Variants in ZNF787 observed in about 807,000 individuals in gnomAD.
ZNF787 encodes zinc finger protein 787, also known as TTF-I-interacting peptide 20.
ZNF787 carries 7 observed loss-of-function variants against 16.9 expected under a neutral mutation model. That is an observed-to-expected ratio of 0.42 (90% CI 0.24 to 0.78). The LOEUF (loss-of-function observed/expected upper bound fraction) is 0.78. ZNF787 is among the 30% of genes least tolerant of loss of function. ZNF787 has a pLI of 0.30. For missense variants in ZNF787, 551 were observed against 589.3 expected (o/e 0.94, Z 0.67); for synonymous variants, 345 against 270.9 (o/e 1.27, Z -2.69).
chr19:56,091,945 G>A (rs62122407), intron 2 of ZNF787, among the ~76,000 whole-genome samples: 1,186 of 45,632 alleles, frequency 0.026, 5 homozygotes, highest in South Asian at 0.1. Context: ...CGAAGCCAAA[G>A]CCAAAGCCGA....
Position 56,089,065 on chromosome 19 carries a change from T to C in ZNF787, c.107A>G (p.Asp36Gly), listed in dbSNP as rs755431707. 2.0e-5 allele frequency: 30 copies of C among 1,465,984 alleles called. No individual in the cohort carries two copies. Among genetic ancestry groups the C allele is most frequent in the Non-Finnish European group, 2.7e-5 (30 of 1,111,558 alleles). The allele number at this position is 1,465,984 out of a possible 1,614,324, so 90.8% of individuals were successfully genotyped here. Residue 36 changes from aspartate (D) to glycine (G), a missense_variant, in exon 3 of 3, where the codon GAC becomes GGC. Physicochemically the swap from Asp to Gly is moderately conservative, Grantham distance 94 (BLOSUM62 -1). Coordinates refer to ENST00000610935, the MANE Select transcript of ZNF787 (RefSeq NM_001002836.4). ...PVDILIMDDD[D>G]VPSWPPTKLS... ...CTTGGTGGGAGGCCAGCTGGGGACGTCGTCATCATCCATGATGAGGATGTC... is the reference window on the plus strand; with the variant it reads ...CTTGGTGGGAGGCCAGCTGGGGACGCCGTCATCATCCATGATGAGGATGTC...
intron 1 of ZNF787, among the ~76,000 whole-genome samples, chr19:56,115,510 C>T (rs938385861): frequency 6.6e-6 from 1 of 152,076 alleles, no homozygotes; most frequent in South Asian, 2.1e-4. Context: ...AGGCGCCCAC[C>T]ACCACGCCCG....
intron 2 of ZNF787, among the ~76,000 whole-genome samples, chr19:56,099,808 G>A (rs1327089493): frequency 3.9e-5 from 6 of 152,046 alleles, no homozygotes; most frequent in Admixed American, 1.3e-4. Context: ...GCTGGGGGCC[G>A]TGTCAGGGGT....
chr19:56,095,902 G>A (rs1439203229), intron 2 of ZNF787, among the ~76,000 whole-genome samples: 5 of 152,156 alleles, frequency 3.3e-5, no homozygotes, highest in Admixed American at 1.3e-4. Context: ...CCAGTCAGAT[G>A]CTAACACCAC....
At chr19:56,091,086 A>C (rs908204105) in intron 2 of ZNF787, among the ~76,000 whole-genome samples, 1 of 152,264 alleles carries the variant, frequency 6.6e-6, no homozygotes, top group Non-Finnish European at 1.5e-5. Context: ...AAATCAAAAA[A>C]TGTTGTAAGT....
At position 56,087,514 on chromosome 19, in the gene ZNF787, C is replaced by G. The variant is rs1985297568; in HGVS notation, c.*509G>C. 1 of 152,104 alleles carries G rather than the reference C, an allele frequency of 6.6e-6. No homozygotes were observed. The highest frequency in any genetic ancestry group is 2.4e-5 in the African/African-American group (1 of 41,348). The allele number at this position is 152,104 out of a possible 1,614,324, so 9.4% of individuals were successfully genotyped here. On this transcript the variant is annotated 3_prime_UTR_variant, in exon 3 of 3. Transcript: ENST00000610935. ...AACGACTCGAGCTCTAAGGATGGGA[C>G]CCGGAAGGCAGAAAAAAATAATGGA...
intron 1 of ZNF787, among the ~76,000 whole-genome samples, chr19:56,115,137 G>A (rs2030093715): frequency 6.6e-6 from 1 of 152,030 alleles, no homozygotes; most frequent in Non-Finnish European, 1.5e-5. Flanking sequence ...CCTGAGGGTG[G>A]TGGGGAAAGC....
chr19:56,100,114 A>G (rs990937780), intron 2 of ZNF787, among the ~76,000 whole-genome samples: 1 of 152,116 alleles, frequency 6.6e-6, no homozygotes, highest in African/African-American at 2.4e-5. Flanking sequence ...GGAAGTCAGG[A>G]GCTGAGGAAG....
At chr19:56,102,425 G>A (rs1986135297) in intron 2 of ZNF787, 1 of 162,764 alleles carries the variant, frequency 6.1e-6, no homozygotes, top group African/African-American at 2.4e-5. Flanking sequence ...GAGGCAGGGA[G>A]GCGGCCTCCG....
intron 1 of ZNF787, among the ~76,000 whole-genome samples, chr19:56,108,386 A>T (rs192683259): frequency 0.048 from 2,075 of 43,278 alleles, 70 homozygotes; most frequent in African/African-American, 0.16. Flanking sequence ...CCCTCCACCC[A>T]ACCCCTGCCC....
intron 1 of ZNF787, among the ~76,000 whole-genome samples, chr19:56,106,753 T>C (rs111594635): frequency 6.0e-4 from 91 of 151,598 alleles, no homozygotes; most frequent in African/African-American, 2.2e-3. Flanking sequence ...AGCACCTCAT[T>C]CCAGGCCGGG....
intron 1 of ZNF787, among the ~76,000 whole-genome samples, chr19:56,104,465 C>A (rs201940043): frequency 8.1e-5 from 11 of 135,644 alleles, no homozygotes; most frequent in African/African-American, 2.3e-4. Context: ...ACCCGTGCCA[C>A]GCACCGGGAG....
Position 56,110,803 on chromosome 19 carries a change from T to C in ZNF787, c.-10-7576A>G, listed in dbSNP as rs563840722. Among the ~76,000 whole-genome samples, 155 of 152,168 alleles carry C rather than the reference T, an allele frequency of 1.0e-3. No individual in the cohort carries two copies. In the South Asian group the frequency reaches 0.014, roughly 14 times the overall value. Reference sequence around the variant, plus strand: ...CGGGAGAGTCCACCCTCCACACCCCTCCTCTCCACCGCACAGCAGCCTGCC... The same window carrying C: ...CGGGAGAGTCCACCCTCCACACCCCCCCTCTCCACCGCACAGCAGCCTGCC... On this transcript the variant is annotated intron_variant, in intron 1 of 2. Transcript: ENST00000610935.
At chr19:56,114,199 G>T (rs989680115) in intron 1 of ZNF787, among the ~76,000 whole-genome samples, 1 of 152,160 alleles carries the variant, frequency 6.6e-6, no homozygotes, top group Non-Finnish European at 1.5e-5. Flanking sequence ...CAGCTGGCCC[G>T]GATCTCGCTG....
At chr19:56,101,780 G>A in intron 2 of ZNF787, 1 of 152,262 alleles carries the variant, frequency 6.6e-6, no homozygotes, top group East Asian at 1.9e-4. Flanking sequence ...GGCGCAGGAA[G>A]AGGGATTCAT....
chr19:56,100,474 G>A (rs907943870), intron 2 of ZNF787, among the ~76,000 whole-genome samples: 1 of 152,184 alleles, frequency 6.6e-6, no homozygotes, highest in Non-Finnish European at 1.5e-5. Context: ...GCTGGGGCCA[G>A]GTGGGCTGCG....
chr19:56,108,900 G>A (rs1047118975), intron 1 of ZNF787, among the ~76,000 whole-genome samples: 3 of 152,174 alleles, frequency 2.0e-5, no homozygotes, highest in Non-Finnish European at 2.9e-5. Context: ...TACCTCTCCA[G>A]AGGCTACCGA....
At chr19:56,096,141 C>G (rs1176877632) in intron 2 of ZNF787, among the ~76,000 whole-genome samples, 10 of 151,950 alleles carry the variant, frequency 6.6e-5, no homozygotes, top group Non-Finnish European at 1.0e-4. Context: ...CACTCGTAGT[C>G]CCAACTACTT....
rs981915340 is a variant in ZNF787, at chr19:56,088,495, G to A, written c.677C>T (p.Ala226Val). The A allele has an allele frequency of 2.5e-5, 34 of 1,380,246 alleles. No individual in the cohort carries two copies. The highest frequency in any genetic ancestry group is 3.2e-5 in the Non-Finnish European group (34 of 1,070,744). 85.5% of individuals were successfully genotyped at this position (1,380,246 alleles called of 1,614,324 possible). A position where few individuals can be genotyped will look rare whatever the true frequency, so the allele number is the denominator to read the frequency against. Residue 226 changes from alanine to valine, a missense_variant, in exon 3 of 3, where the codon GCG becomes GTG. Coordinates refer to ENST00000610935, the MANE Select transcript of ZNF787 (RefSeq NM_001002836.4). The surrounding 1 kb of genome is among the most constrained non-coding windows in gnomAD (Gnocchi z 8.6). ...SVRRAKGPEE[A>V]VAADGEIAIP... ...GGCGATCTCGCCGTCCGCCGCCACC[G>A]CCTCTTCGGGCCCCTTGGCCCGCCG...
Sources: allele counts gnomAD v4.1 joint callset (sites outside exome capture counted in the v4.1 genomes callset), GRCh38; gene constraint gnomAD v4.1.1; non-coding constraint Gnocchi (gnomAD v3.1); transcripts MANE v1.5; gene names NCBI Gene and HGNC (gene_info 2026-07-23, HGNC 2026-07-21).